The following DPY19L1 variants were observed in gnomAD, a reference collection of about 807,000 sequenced individuals.
The protein encoded by DPY19L1 is protein C-mannosyl-transferase DPY19L1.
Under a neutral mutation model 96.9 loss-of-function variants are expected in DPY19L1, and 35 were observed. That is an observed-to-expected ratio of 0.36 (90% CI 0.28 to 0.48). The LOEUF is 0.48. Among genes scored for constraint, DPY19L1 ranks in the 20% least tolerant of loss-of-function variants. DPY19L1 has a pLI of 0.99. For missense variants in DPY19L1, 521 were observed against 777.9 expected (o/e 0.67, Z 3.93); for synonymous variants, 205 against 252.6 (o/e 0.81, Z 1.79).
At chr7:35,032,778 A>T (rs927401530) in intron 1 of DPY19L1, among the ~76,000 whole-genome samples, 6 of 152,126 alleles carry the variant, frequency 3.9e-5, no homozygotes, top group African/African-American at 1.2e-4. Context: ...ACCCAATTAG[A>T]GAAGCCAAAA....
At chr7:34,992,886 C>G (rs1267679591) in intron 6 of DPY19L1, among the ~76,000 whole-genome samples, 1 of 152,120 alleles carries the variant, frequency 6.6e-6, no homozygotes, top group African/African-American at 2.4e-5. Flanking sequence ...TATGTGCCAA[C>G]CTGTATGAAT....
At chr7:35,018,872 G>C (rs1266481597) in intron 1 of DPY19L1, among the ~76,000 whole-genome samples, 1 of 152,050 alleles carries the variant, frequency 6.6e-6, no homozygotes, top group Admixed American at 6.5e-5. Context: ...GGAAACTATT[G>C]CTAATAGAAC....
At chr7:34,936,660 T>A (rs985965102) in intron 21 of DPY19L1, among the ~76,000 whole-genome samples, 1 of 152,234 alleles carries the variant, frequency 6.6e-6, no homozygotes, top group African/African-American at 2.4e-5. Flanking sequence ...GAATTTCATA[T>A]ACATATTCAC....
intron 6 of DPY19L1, among the ~76,000 whole-genome samples, chr7:35,006,996 C>T (rs1349089491): frequency 1.3e-5 from 2 of 152,130 alleles, no homozygotes; most frequent in African/African-American, 4.8e-5. Context: ...TAGATACCCT[C>T]CTCTTTATTT....
At chr7:35,020,466 G>C (rs1004991062) in intron 1 of DPY19L1, among the ~76,000 whole-genome samples, 1 of 152,006 alleles carries the variant, frequency 6.6e-6, no homozygotes, top group Non-Finnish European at 1.5e-5. Context: ...ACTGTTTTTC[G>C]ATAGTCCTTG....
intron 10 of DPY19L1, among the ~76,000 whole-genome samples, chr7:34,959,756 C>G (rs1784452645): frequency 1.3e-5 from 2 of 151,402 alleles, no homozygotes; most frequent in South Asian, 4.2e-4. Flanking sequence ...GGAGAAATAC[C>G]TAATGTAGAT....
chr7:35,013,211 C>T (rs1348773494), intron 4 of DPY19L1, among the ~76,000 whole-genome samples: 1 of 152,120 alleles, frequency 6.6e-6, no homozygotes, highest in Non-Finnish European at 1.5e-5. Flanking sequence ...GCTCACCTTC[C>T]CTCCACTCCC....
At chr7:34,958,468 G>A (rs1443551047) in intron 10 of DPY19L1, among the ~76,000 whole-genome samples, 1 of 152,128 alleles carries the variant, frequency 6.6e-6, no homozygotes, top group Non-Finnish European at 1.5e-5. Context: ...TATTTAACTA[G>A]TCCTCCGAAT....
At chr7:34,977,831 T>C (rs573923820) in intron 7 of DPY19L1, among the ~76,000 whole-genome samples, 26 of 152,248 alleles carry the variant, frequency 1.7e-4, no homozygotes, top group Admixed American at 7.8e-4. Context: ...AAAAGGGTTA[T>C]ACAAATGTAT....
rs186169092 is a variant in DPY19L1 at position 34,945,139 on chromosome 7, A to G, written c.1544+528T>C. ...TTAAGTACAAAGGGTGACAAATGGT[A>G]AGAGAGTAAGACAAAGGGTGTGATG... is the stretch of plus-strand genomic sequence containing the variant. On this transcript the variant is annotated intron_variant, in intron 16 of 21. Coordinates refer to ENST00000638088, the MANE Select transcript of DPY19L1 (RefSeq NM_001366673.1). Among the ~76,000 whole-genome samples, 155 of 152,330 alleles carry G rather than the reference A, an allele frequency of 1.0e-3. 3 individuals carry two copies. The highest frequency in any genetic ancestry group is 3.2e-4 in the Non-Finnish European group (22 of 68,036).
intron 21 of DPY19L1, among the ~76,000 whole-genome samples, chr7:34,934,882 C>T (rs905696330): frequency 6.6e-5 from 10 of 152,286 alleles, no homozygotes; most frequent in East Asian, 1.9e-4. Flanking sequence ...GGTCCATGGC[C>T]GGGGGCTTGG....
At chr7:34,966,836 T>C in intron 10 of DPY19L1, 58 bp downstream of exon 10, 13 of 1,382,706 alleles carry the variant, frequency 9.4e-6, no homozygotes, top group Non-Finnish European at 1.3e-5. Context: ...ACAAATAAAA[T>C]ATTAATCAGG....
At chr7:34,950,588 A>C (rs1240670895) in intron 13 of DPY19L1, among the ~76,000 whole-genome samples, 4 of 152,206 alleles carry the variant, frequency 2.6e-5, no homozygotes, top group African/African-American at 7.2e-5. Context: ...AGGAGAAATT[A>C]TATCTAGGAC....
At chr7:34,934,883 G>A (rs550852827) in intron 21 of DPY19L1, among the ~76,000 whole-genome samples, 3 of 152,162 alleles carry the variant, frequency 2.0e-5, no homozygotes, top group South Asian at 2.1e-4. Flanking sequence ...GTCCATGGCC[G>A]GGGGCTTGGA....
intron 10 of DPY19L1, among the ~76,000 whole-genome samples, chr7:34,959,424 T>A (rs372440268): frequency 2.0e-5 from 3 of 152,204 alleles, no homozygotes; most frequent in Non-Finnish European, 2.9e-5. Flanking sequence ...CATATGTTTA[T>A]TGCAGCACTG....
rs1438257788 is a variant in DPY19L1 at position 34,969,507 on chromosome 7, A to C, written c.940T>G (p.Leu314Val). 6.4e-7 allele frequency: 1 copy of C among 1,570,928 alleles called. No homozygotes were observed. The highest frequency in any genetic ancestry group is 8.6e-7 in the Non-Finnish European group (1 of 1,161,416). Reference protein sequence around the residue: ...LRATKLYRGSLIALCISNVFF... With the variant: ...LRATKLYRGSVIALCISNVFF... ...ACATTGGAAATGCAGAGTGCAATCA[A>C]GCTTCCTCTATAAAGTTTTGTAGCC... Residue 314 changes from leucine (L) to valine (V), a missense_variant, in exon 9 of 22, where the codon TTG becomes GTG. Transcript: ENST00000638088.
intron 6 of DPY19L1, among the ~76,000 whole-genome samples, chr7:35,002,878 C>A (rs1334973778): frequency 6.6e-6 from 1 of 152,218 alleles, no homozygotes; most frequent in Admixed American, 6.5e-5. Flanking sequence ...ACGCCATTCT[C>A]CTGCCTCAGC....
chr7:34,975,593 AAAC>A (rs1156517246), intron 7 of DPY19L1, among the ~76,000 whole-genome samples: 11 of 152,192 alleles, frequency 7.2e-5, no homozygotes, highest in Non-Finnish European at 1.6e-4. Flanking sequence ...TTGCTGCACT[AAAC>A]AACAGGGCAG....
chr7:35,017,532 C>T, intron 3 of DPY19L1, among the ~76,000 whole-genome samples: 1 of 100,946 alleles, frequency 9.9e-6, no homozygotes, highest in Non-Finnish European at 2.1e-5. Context: ...ATTAGCCGGG[C>T]ATGGTGGCAG....
Sources: allele counts gnomAD v4.1 joint callset (sites outside exome capture counted in the v4.1 genomes callset), GRCh38; gene constraint gnomAD v4.1.1; transcripts MANE v1.5; gene names NCBI Gene and HGNC (gene_info 2026-07-23, HGNC 2026-07-21).